CADM2: variants seen among roughly 807,000 people sequenced by gnomAD.
The protein encoded by CADM2 is immunoglobulin superfamily member 4D.
CADM2 carries 12 observed loss-of-function variants against 49.8 expected under a neutral mutation model. The ratio of observed to expected loss-of-function variants is 0.24; its 90% CI spans 0.15 to 0.39. CADM2 has a LOEUF of 0.39. Among genes scored for constraint, CADM2 ranks in the 10% least tolerant of loss-of-function variants. The pLI, the probability that CADM2 is intolerant of heterozygous loss-of-function variation, is 1.00. For missense variants in CADM2, 378 were observed against 492.3 expected, an observed-to-expected ratio of 0.77 and a Z score of 2.20; for synonymous variants, 214 against 175.4, an observed-to-expected ratio of 1.22 and a Z score of -1.74.
chr3:85,406,720 T>C (rs1183126309), intron 1 of CADM2, among the ~76,000 whole-genome samples: 4 of 152,174 alleles, frequency 2.6e-5, no homozygotes, highest in South Asian at 4.1e-4. Flanking sequence ...TTGTTTTTCA[T>C]ACTCGGTCAC....
intron 1 of CADM2, among the ~76,000 whole-genome samples, chr3:85,340,562 C>T (rs1008986055): frequency 2.6e-5 from 4 of 151,292 alleles, no homozygotes; most frequent in Admixed American, 6.6e-5. Flanking sequence ...TTAATTAGTG[C>T]GTAGGTGTTT....
At chr3:85,912,868 T>TG (rs1491445720) in intron 6 of CADM2, among the ~76,000 whole-genome samples, 17 of 152,284 alleles carry the variant, frequency 1.1e-4, no homozygotes, top group African/African-American at 4.1e-4. Context: ...ATCGGTAATC[T>TG]GAGAGGGCCT....
At chr3:85,814,153 A>G (rs908721928) in intron 3 of CADM2, among the ~76,000 whole-genome samples, 4 of 151,938 alleles carry the variant, frequency 2.6e-5, no homozygotes, top group Non-Finnish European at 5.9e-5. Flanking sequence ...TTTTCTCCAT[A>G]TTGATTCTTC....
At chr3:85,919,639 C>A (rs548888683) in intron 6 of CADM2, among the ~76,000 whole-genome samples, 3 of 151,898 alleles carry the variant, frequency 2.0e-5, no homozygotes, top group Admixed American at 1.3e-4. Flanking sequence ...CTAATAAAGT[C>A]AATCCATTTT....
At chr3:85,292,769 C>T (rs2043838463) in intron 1 of CADM2, among the ~76,000 whole-genome samples, 1 of 152,268 alleles carries the variant, frequency 6.6e-6, no homozygotes, top group Non-Finnish European at 1.5e-5. Context: ...ATACCAGAAT[C>T]TCTGGGATGC....
chr3:85,308,423 A>G (rs1377968783), intron 1 of CADM2, among the ~76,000 whole-genome samples: 2 of 151,914 alleles, frequency 1.3e-5, no homozygotes, highest in Non-Finnish European at 2.9e-5. Flanking sequence ...TAAGTACTGA[A>G]CAATAGGAAT....
At chr3:85,626,963 A>C (rs1386385457) in intron 1 of CADM2, among the ~76,000 whole-genome samples, 1 of 152,108 alleles carries the variant, frequency 6.6e-6, no homozygotes, top group Non-Finnish European at 1.5e-5. Flanking sequence ...CAGAGACTAC[A>C]AAATCAAGCT....
At chr3:84,966,292 A>G (rs2030975310) in intron 1 of CADM2, among the ~76,000 whole-genome samples, 1 of 152,114 alleles carries the variant, frequency 6.6e-6, no homozygotes. Context: ...ATTTATATAT[A>G]TGCACATATA....
At chr3:85,001,207 T>G (rs2107215718) in intron 1 of CADM2, among the ~76,000 whole-genome samples, 1 of 152,184 alleles carries the variant, frequency 6.6e-6, no homozygotes, top group Non-Finnish European at 1.5e-5. Flanking sequence ...CTCATCTCCT[T>G]TCTCTATTTA....
intron 1 of CADM2, among the ~76,000 whole-genome samples, chr3:85,312,224 A>C (rs2044362093): frequency 6.6e-6 from 1 of 152,158 alleles, no homozygotes; most frequent in African/African-American, 2.4e-5. Flanking sequence ...AAAAAAGATA[A>C]TATCAAGGGC....
At chr3:85,209,072 A>G (rs907079979) in intron 1 of CADM2, among the ~76,000 whole-genome samples, 5 of 152,202 alleles carry the variant, frequency 3.3e-5, no homozygotes, top group African/African-American at 9.6e-5. Context: ...CTGTGTGTAC[A>G]GAACTCCTTT....
At chr3:85,947,907 G>T (rs1722938106) in intron 7 of CADM2, among the ~76,000 whole-genome samples, 1 of 151,376 alleles carries the variant, frequency 6.6e-6, no homozygotes, top group Admixed American at 6.6e-5. Context: ...AACATTTCCA[G>T]GTAAGCAGTT....
intron 8 of CADM2, among the ~76,000 whole-genome samples, chr3:86,018,511 A>C (rs9681966): frequency 0.23 from 34,370 of 151,408 alleles, 4,255 homozygotes; most frequent in East Asian, 0.33. Context: ...AAAAGTGTTC[A>C]TATTTCTCCA....
chr3:85,683,098 A>G (rs2066085843), intron 1 of CADM2, among the ~76,000 whole-genome samples: 1 of 152,136 alleles, frequency 6.6e-6, no homozygotes, highest in Non-Finnish European at 1.5e-5. Context: ...AAATGAAAAA[A>G]ATAAAAATCT....
rs2075328518 is a variant in CADM2, at chr3:85,856,652, A to G, written c.239-26639A>G. The stretch of plus-strand genomic sequence containing the variant: ...TTGTTTGGAAATGGTAAAATGCAAA[A>G]TGATCTAATTTAGAGTTTGATATTA... On this transcript the variant is annotated intron_variant, in intron 3 of 9. Transcript: ENST00000383699. Among the ~76,000 whole-genome samples, 3 of 152,206 alleles carry G rather than the reference A, an allele frequency of 2.0e-5. No homozygotes were observed. The South Asian group carries it at 6.2e-4, about 31-fold the overall frequency.
At chr3:85,359,024 G>A (rs2032106051) in intron 1 of CADM2, among the ~76,000 whole-genome samples, 2 of 152,086 alleles carry the variant, frequency 1.3e-5, no homozygotes, top group Admixed American at 1.3e-4. Context: ...ATTGTCTCAA[G>A]AGTCCTGTGA....
chr3:85,347,991 TAG>T, intron 1 of CADM2, among the ~76,000 whole-genome samples: 1 of 152,162 alleles, frequency 6.6e-6, no homozygotes, highest in Middle Eastern at 3.4e-3. Flanking sequence ...GTATTTTTGA[TAG>T]AGACAGGTTT....
At chr3:85,080,112 T>C (rs1466116893) in intron 1 of CADM2, among the ~76,000 whole-genome samples, 2 of 152,158 alleles carry the variant, frequency 1.3e-5, no homozygotes, top group East Asian at 3.9e-4. Context: ...TTTAAATTTC[T>C]GAAAATGGGA....
Position 85,817,000 on chromosome 3 carries a change from T to C in CADM2, c.238+14804T>C, listed in dbSNP as rs79976685. On this transcript the variant is annotated intron_variant, in intron 3 of 9. Coordinates refer to ENST00000383699, the MANE Select transcript of CADM2 (RefSeq NM_001167675.2). ...AATAAATATTTGTAATGTGCCATTT[T>C]AAATTGTGTGAGCATGAAAATTACA... Among the ~76,000 whole-genome samples the C allele has an allele frequency of 5.3e-3, 802 of 152,332 alleles. 4 individuals are homozygous for C. Among genetic ancestry groups the C allele is most frequent in the African/African-American group, 0.019 (773 of 41,586 alleles).
Sources: gnomAD v4.1 joint callset for allele counts (sites outside exome capture counted in the v4.1 genomes callset) on GRCh38, gnomAD v4.1.1 for gene constraint, MANE v1.5 for transcripts, NCBI Gene and HGNC (gene_info 2026-07-23, HGNC 2026-07-21) for gene names.